Variants in BICC1 observed in about 807,000 individuals in gnomAD.
BICC1 encodes the protein protein bicaudal C homolog 1.
Under a neutral mutation model 111.0 loss-of-function variants are expected in BICC1, and 43 were observed. The observed-to-expected ratio is 0.39, with a 90% CI of 0.30 to 0.50. The LOEUF is 0.50. BICC1 is among the 20% of genes least tolerant of loss of function. The probability of loss-of-function intolerance (pLI) is 0.88; values close to 1 mark genes in which losing one functional copy is unlikely to be tolerated. For synonymous variants in BICC1, 467 were observed against 434.4 expected (o/e 1.07, Z -0.93); for missense variants, 1,091 against 1,203.2 (o/e 0.91, Z 1.38).
At chr10:58,793,652 A>G (rs747929534) in intron 9 of BICC1, 37 bp downstream of exon 9, 7 of 1,606,542 alleles carry the variant, frequency 4.4e-6, no homozygotes, top group Non-Finnish European at 6.0e-6. Context: ...ATTATGTATC[A>G]TATCATATGC....
intron 1 of BICC1, among the ~76,000 whole-genome samples, chr10:58,568,141 C>T (rs1843828843): frequency 1.3e-5 from 2 of 152,098 alleles, no homozygotes; most frequent in African/African-American, 4.8e-5. Flanking sequence ...AGTGAGACTC[C>T]AGTCTCTAGG....
chr10:58,556,202 T>C (rs1843445519), intron 1 of BICC1, among the ~76,000 whole-genome samples: 2 of 152,130 alleles, frequency 1.3e-5, no homozygotes, highest in South Asian at 4.1e-4. Context: ...GTCTAATTTT[T>C]ATTGGCATGG....
chr10:58,734,025 G>A (rs1469745957), intron 3 of BICC1, among the ~76,000 whole-genome samples: 4 of 152,216 alleles, frequency 2.6e-5, no homozygotes, highest in Non-Finnish European at 4.4e-5. Flanking sequence ...GCCCTAGGTA[G>A]TGTAACATAC....
chr10:58,514,938 G>A (rs1842201917), intron 1 of BICC1, among the ~76,000 whole-genome samples: 1 of 152,206 alleles, frequency 6.6e-6, no homozygotes, highest in African/African-American at 2.4e-5. Flanking sequence ...TTTTCAACCA[G>A]CTTTCAGTTT....
At chr10:58,557,877 A>G (rs922294163) in intron 1 of BICC1, among the ~76,000 whole-genome samples, 8 of 151,882 alleles carry the variant, frequency 5.3e-5, no homozygotes, top group African/African-American at 1.9e-4. Context: ...TTACATGTCT[A>G]GTAATTTTTG....
chr10:58,761,654 A>G (rs1034209199), intron 3 of BICC1, among the ~76,000 whole-genome samples: 8 of 152,194 alleles, frequency 5.3e-5, no homozygotes, highest in African/African-American at 1.9e-4. Context: ...CAAACAGTTC[A>G]GGTCAACCTT....
At chr10:58,748,373 G>A (rs539155715) in intron 3 of BICC1, among the ~76,000 whole-genome samples, 5 of 151,416 alleles carry the variant, frequency 3.3e-5, no homozygotes, top group Non-Finnish European at 7.4e-5. Context: ...TTTAGCCCAG[G>A]TCACATTAAT....
chr10:58,638,815 T>G (rs567216821), intron 2 of BICC1, among the ~76,000 whole-genome samples: 1 of 152,288 alleles, frequency 6.6e-6, no homozygotes, highest in Non-Finnish European at 1.5e-5. Flanking sequence ...ACTAAGCATA[T>G]GGTCTCTAAA....
chr10:58,544,989 G>GC (rs1843099284), intron 1 of BICC1, among the ~76,000 whole-genome samples: 3 of 152,074 alleles, frequency 2.0e-5, no homozygotes, highest in Non-Finnish European at 4.4e-5. Context: ...CTATCTACAA[G>GC]CCAATGAGAG....
At chr10:58,630,111 A>C (rs1837748558) in intron 2 of BICC1, among the ~76,000 whole-genome samples, 1 of 152,138 alleles carries the variant, frequency 6.6e-6, no homozygotes, top group African/African-American at 2.4e-5. Flanking sequence ...TACGTGACCT[A>C]TGTGGCATGC....
At chr10:58,563,912 A>G (rs983851337) in intron 1 of BICC1, among the ~76,000 whole-genome samples, 1 of 152,106 alleles carries the variant, frequency 6.6e-6, no homozygotes, top group Non-Finnish European at 1.5e-5. Flanking sequence ...TCAAACACAT[A>G]TATTTAATTG....
intron 3 of BICC1, among the ~76,000 whole-genome samples, chr10:58,776,025 C>G (rs1471060915): frequency 6.6e-6 from 1 of 152,180 alleles, no homozygotes; most frequent in Non-Finnish European, 1.5e-5. Context: ...ATGCCAGTCT[C>G]AAGTTGCTAA....
chr10:58,774,801 T>G (rs1171119238), intron 3 of BICC1, among the ~76,000 whole-genome samples: 1 of 152,238 alleles, frequency 6.6e-6, no homozygotes, highest in African/African-American at 2.4e-5. Flanking sequence ...AAGTGATTAG[T>G]AAGGTTGAAC....
chr10:58,679,961 A>G (rs1260114969), intron 2 of BICC1, among the ~76,000 whole-genome samples: 1 of 152,250 alleles, frequency 6.6e-6, no homozygotes, highest in Non-Finnish European at 1.5e-5. Flanking sequence ...CAATAGATGT[A>G]GAAAAGGCCT....
chr10:58,772,969 A>G (rs749881660), intron 3 of BICC1, among the ~76,000 whole-genome samples: 3 of 152,236 alleles, frequency 2.0e-5, no homozygotes, highest in Non-Finnish European at 4.4e-5. Context: ...CAAAGGTCCT[A>G]TAAGCATTAC....
chr10:58,699,951 C>G (rs145245346), intron 2 of BICC1, among the ~76,000 whole-genome samples: 1 of 152,188 alleles, frequency 6.6e-6, no homozygotes, highest in Non-Finnish European at 1.5e-5. Context: ...CTCAGTCTCC[C>G]AAAGTGCTGG....
intron 2 of BICC1, among the ~76,000 whole-genome samples, chr10:58,701,098 T>C (rs1840220692): frequency 1.3e-5 from 2 of 152,236 alleles, no homozygotes; most frequent in South Asian, 4.1e-4. Context: ...AAGGTACTTA[T>C]TATTGATTGC....
intron 3 of BICC1, among the ~76,000 whole-genome samples, chr10:58,723,735 G>A (rs952341310): frequency 2.0e-5 from 3 of 152,164 alleles, no homozygotes; most frequent in Non-Finnish European, 4.4e-5. Flanking sequence ...TGGGGTTGAG[G>A]ACATTCAAGA....
In BICC1 at chr10:58,788,437, A is replaced by T. The variant is rs779930565; in HGVS notation, c.600+14A>T. On this transcript the variant is annotated intron_variant, in intron 6 of 20. Transcript: ENST00000373886. ...GTTAGAATTCGGGTAACTATTTATT[A>T]CTTTAACATTGTAAATTGATGTCAG... 2 of 1,584,652 alleles carry T rather than the reference A, an allele frequency of 1.3e-6. No homozygotes were observed. The highest frequency in any genetic ancestry group is 1.7e-6 in the Non-Finnish European group (2 of 1,154,434).
Sources: gnomAD v4.1 joint callset for allele counts (sites outside exome capture counted in the v4.1 genomes callset) on GRCh38, gnomAD v4.1.1 for gene constraint, MANE v1.5 for transcripts, NCBI Gene and HGNC (gene_info 2026-07-23, HGNC 2026-07-21) for gene names.